The following KSR2 variants were observed in gnomAD, a reference collection of about 807,000 sequenced individuals.
The protein encoded by KSR2 is kinase suppressor of ras 2.
In KSR2, 25 loss-of-function variants were observed where a neutral mutation model predicts 107.8. That is an observed-to-expected ratio of 0.23 (90% CI 0.17 to 0.32). The LOEUF (loss-of-function observed/expected upper bound fraction) is 0.32, where lower values mean the gene tolerates loss of function less well. Ranked by LOEUF, KSR2 falls within the 10% of genes least tolerant of loss-of-function variation. The pLI is 1.00. For missense variants in KSR2, 887 were observed against 1,268.9 expected (o/e 0.70, Z 4.57); for synonymous variants, 480 against 507.0 (o/e 0.95, Z 0.71).
intron 14 of KSR2, among the ~76,000 whole-genome samples, chr12:117,502,389 A>G (rs532087591): frequency 1.1e-4 from 16 of 152,306 alleles, no homozygotes; most frequent in African/African-American, 3.9e-4. Context: ...CTCATCCCTC[A>G]GAAAGCACTC....
At chr12:117,890,341 T>A (rs1894301477) in intron 1 of KSR2, among the ~76,000 whole-genome samples, 1 of 152,168 alleles carries the variant, frequency 6.6e-6, no homozygotes, top group Non-Finnish European at 1.5e-5. Context: ...TCTAGGGGTG[T>A]CCACAGGCTT....
At chr12:117,662,986 G>A (rs533326977) in intron 5 of KSR2, among the ~76,000 whole-genome samples, 85 of 152,294 alleles carry the variant, frequency 5.6e-4, no homozygotes, top group African/African-American at 1.9e-3. Context: ...AACCTGGGAC[G>A]ACAGATCCCT....
intron 5 of KSR2, among the ~76,000 whole-genome samples, chr12:117,583,248 G>C (rs1224583675): frequency 1.3e-5 from 2 of 151,734 alleles, no homozygotes; most frequent in Non-Finnish European, 2.9e-5. Context: ...TGGAGAGGTG[G>C]GTGGGTGAGT....
At chr12:117,480,291 C>T (rs1266234134) in intron 16 of KSR2, among the ~76,000 whole-genome samples, 1 of 152,076 alleles carries the variant, frequency 6.6e-6, no homozygotes, top group East Asian at 1.9e-4. Flanking sequence ...CATTTTGGGG[C>T]CAGGGCAGGA....
At chr12:117,871,711 C>CAT (rs72214634) in intron 1 of KSR2, among the ~76,000 whole-genome samples, 464 of 14,872 alleles carry the variant, frequency 0.031, 3 homozygotes, top group African/African-American at 0.18. Context: ...TATATATTTG[C>CAT]ACACAGAGAG....
intron 1 of KSR2, among the ~76,000 whole-genome samples, chr12:117,874,254 AC>A (rs1893755495): frequency 6.6e-6 from 1 of 151,910 alleles, no homozygotes; most frequent in Non-Finnish European, 1.5e-5. Context: ...TTGTTTTGAG[AC>A]AGGGTCTTGC....
intron 3 of KSR2, among the ~76,000 whole-genome samples, chr12:117,847,748 C>A (rs1892755176): frequency 6.6e-6 from 1 of 152,216 alleles, no homozygotes; most frequent in African/African-American, 2.4e-5. Context: ...AGCATCCCCA[C>A]TGGGCACCCA....
chr12:117,604,176 G>A (rs903743383), intron 5 of KSR2, among the ~76,000 whole-genome samples: 1 of 152,108 alleles, frequency 6.6e-6, no homozygotes, highest in African/African-American at 2.4e-5. Context: ...AAATATTCAT[G>A]ACTCCTCCTA....
chr12:117,763,711 G>A (rs549160661), intron 3 of KSR2, among the ~76,000 whole-genome samples: 58 of 152,322 alleles, frequency 3.8e-4, no homozygotes, highest in South Asian at 1.0e-3. Context: ...GAAGCCATTG[G>A]GAGTTTTGAG....
At position 117,658,061 on chromosome 12, in the gene KSR2, G is replaced by A. The variant is rs1884261726; in HGVS notation, c.1171+9413C>T. On this transcript the variant is annotated intron_variant, in intron 5 of 19. Transcript: ENST00000339824. ...ATGGAAGTGATAATAATGAGCGTGT[G>A]TCCATTAGCCTAAGAGTTCATGGCA... Among the ~76,000 whole-genome samples, 3 of 152,336 alleles carry A rather than the reference G, an allele frequency of 2.0e-5. No homozygotes were observed. The South Asian group carries it at 6.2e-4, about 32-fold the overall frequency.
Position 117,458,587 on chromosome 12 carries a change from C to T in KSR2, c.*8612G>A, listed in dbSNP as rs1477598788. ...TAAATACATGGCAGCTATTTTTCAT[C>T]TCTACAATTGTGCAACTTTCTCCTC... On this transcript the variant is annotated 3_prime_UTR_variant, in exon 20 of 20. Transcript: ENST00000339824. 1 of 152,162 alleles carries T rather than the reference C, an allele frequency of 6.6e-6. No individual in the cohort carries two copies. Among genetic ancestry groups the T allele is most frequent in the Non-Finnish European group, 1.5e-5 (1 of 68,024 alleles). The allele number at this position is 152,162 out of a possible 1,614,324, so 9.4% of individuals were successfully genotyped here. A position where few individuals can be genotyped will look rare whatever the true frequency, so the allele number is the denominator to read the frequency against.
intron 5 of KSR2, among the ~76,000 whole-genome samples, chr12:117,592,091 TACTC>T (rs1374334752): frequency 6.6e-6 from 1 of 151,540 alleles, no homozygotes; most frequent in Non-Finnish European, 1.5e-5. Flanking sequence ...AATATTCACA[TACTC>T]ACCCTCAAAA....
chr12:117,667,420 GAGA>G, intron 5 of KSR2, 51 bp downstream of exon 5: 1 of 1,520,780 alleles, frequency 6.6e-7, no homozygotes, highest in Non-Finnish European at 9.0e-7. Context: ...AGGTGCTGGG[GAGA>G]AGGAGGTGGC....
intron 5 of KSR2, among the ~76,000 whole-genome samples, chr12:117,608,854 T>A (rs11068570): frequency 0.046 from 7,068 of 152,108 alleles, 369 homozygotes; most frequent in South Asian, 0.14. Flanking sequence ...GAGCTCTGGG[T>A]GGGCTAATGA....
chr12:117,810,386 T>A (rs1030500589), intron 3 of KSR2, among the ~76,000 whole-genome samples: 2 of 152,212 alleles, frequency 1.3e-5, no homozygotes, highest in African/African-American at 4.8e-5. Context: ...ACATAGCTCA[T>A]GGTAGCCTTG....
chr12:117,832,112 C>G (rs574663420), intron 3 of KSR2, among the ~76,000 whole-genome samples: 2 of 152,120 alleles, frequency 1.3e-5, no homozygotes, highest in African/African-American at 2.4e-5. Flanking sequence ...TGGTGAAACC[C>G]CGTCTCTACT....
At chr12:117,695,542 CAA>C (rs770628810) in intron 4 of KSR2, among the ~76,000 whole-genome samples, 270 of 131,246 alleles carry the variant, frequency 2.1e-3, no homozygotes, top group African/African-American at 4.6e-3. Context: ...CCCATTTCTA[CAA>C]AAAAAAAAAA....
At chr12:117,651,028 G>A (rs1039265377) in intron 5 of KSR2, among the ~76,000 whole-genome samples, 2 of 152,188 alleles carry the variant, frequency 1.3e-5, no homozygotes, top group Non-Finnish European at 2.9e-5. Context: ...AGAAAAAAAT[G>A]AGACCCTGAA....
At chr12:117,485,280 G>A (rs764928557) in intron 15 of KSR2, among the ~76,000 whole-genome samples, 1 of 152,206 alleles carries the variant, frequency 6.6e-6, no homozygotes, top group Non-Finnish European at 1.5e-5. Flanking sequence ...AGGACTCGAA[G>A]GATGGTGGAT....
Sources: allele counts gnomAD v4.1 joint callset (sites outside exome capture counted in the v4.1 genomes callset), GRCh38; gene constraint gnomAD v4.1.1; transcripts MANE v1.5; gene names NCBI Gene and HGNC (gene_info 2026-07-23, HGNC 2026-07-21).